Variants in STOX1 observed in about 807,000 individuals in gnomAD.
STOX1 encodes the protein storkhead box 1, also known as storkhead-box protein 1.
STOX1 carries 57 observed loss-of-function variants against 74.8 expected under a neutral mutation model. The ratio of observed to expected loss-of-function variants is 0.76; its 90% CI spans 0.62 to 0.95. The LOEUF (loss-of-function observed/expected upper bound fraction) is 0.95. Among genes scored for constraint, STOX1 ranks in the 40% least tolerant of loss-of-function variants. STOX1 has a pLI of 0.00. For synonymous variants in STOX1, 375 were observed against 401.3 expected (o/e 0.93, Z 0.78); for missense variants, 1,010 against 1,117.0 (o/e 0.90, Z 1.37).
downstream of STOX1, among the ~76,000 whole-genome samples, chr10:68,893,719 G>GGT (rs1468535296): frequency 1.3e-5 from 2 of 152,134 alleles, no homozygotes; most frequent in Non-Finnish European, 2.9e-5. Flanking sequence ...ACCTGACCCA[G>GGT]GCCTTCTTTA....
intron 1 of STOX1, among the ~76,000 whole-genome samples, chr10:68,829,794 T>A (rs1324074439): frequency 6.6e-6 from 1 of 152,136 alleles, no homozygotes; most frequent in African/African-American, 2.4e-5. Context: ...TCCTTTTACT[T>A]GCAGGAGTGA....
chr10:68,888,622 CCAGT>C (rs1246107410), intron 3 of STOX1, among the ~76,000 whole-genome samples: 2 of 146,774 alleles, frequency 1.4e-5, no homozygotes, highest in African/African-American at 5.1e-5. Flanking sequence ...CATATCTTTG[CCAGT>C]ATTTTTTTTT....
At chr10:68,893,852 A>G (rs1841147930), downstream of STOX1, among the ~76,000 whole-genome samples, 1 of 152,176 alleles carries the variant, frequency 6.6e-6, no homozygotes, top group Non-Finnish European at 1.5e-5. Flanking sequence ...AGAAAGGTGG[A>G]AGGAGTCTGG....
rs1840971859 is a variant in STOX1, at chr10:68,886,690, A to G, written c.2822+72A>G. ...ATGCCTGTAATCCCAGCATTTTGGG[A>G]GGCCGAGGCGGGCAGATCACGAGGT... On this transcript the variant is annotated intron_variant, in intron 3 of 3. Transcript: ENST00000298596. 26 of 1,434,200 alleles carry G rather than the reference A, an allele frequency of 1.8e-5. No individual in the cohort carries two copies. The South Asian group carries it at 2.9e-4, about 16-fold the overall frequency. The allele number at this position is 1,434,200 out of a possible 1,614,324, so 88.8% of individuals were successfully genotyped here.
intron 3 of STOX1, among the ~76,000 whole-genome samples, chr10:68,889,371 C>T (rs975085442): frequency 3.3e-5 from 5 of 152,220 alleles, no homozygotes; most frequent in African/African-American, 1.2e-4. Context: ...CTATGTTGCC[C>T]AGGCTGGCCT....
intron 3 of STOX1, among the ~76,000 whole-genome samples, chr10:68,891,801 CA>C (rs574776456): frequency 2.4e-3 from 301 of 127,552 alleles, no homozygotes; most frequent in Middle Eastern, 4.0e-3. Flanking sequence ...GACTCTGTTT[CA>C]AAAAAAAAAA....
chr10:68,867,698 TGTGAAAAG>T (rs1352707601), intron 1 of STOX1, among the ~76,000 whole-genome samples: 1 of 152,192 alleles, frequency 6.6e-6, no homozygotes, highest in African/African-American at 2.4e-5. Context: ...TCATTGTCAG[TGTGAAAAG>T]GTTCCAAGGT....
intron 1 of STOX1, among the ~76,000 whole-genome samples, chr10:68,832,371 C>T (rs1839433545): frequency 6.6e-6 from 1 of 152,184 alleles, no homozygotes; most frequent in African/African-American, 2.4e-5. Context: ...CATCTTTTCT[C>T]ACTGAATAAA....
chr10:68,839,336 C>T (rs895228214), intron 1 of STOX1, among the ~76,000 whole-genome samples: 3 of 152,122 alleles, frequency 2.0e-5, no homozygotes, highest in Non-Finnish European at 2.9e-5. Context: ...GATCCTCCCA[C>T]CTCAGTCTCA....
chr10:68,876,344 C>T (rs1360324129), intron 1 of STOX1, among the ~76,000 whole-genome samples: 6 of 151,684 alleles, frequency 4.0e-5, no homozygotes, highest in African/African-American at 7.3e-5. Flanking sequence ...TTAGTAGAGA[C>T]GGGGTTTCTC....
chr10:68,857,189 CTACCCCAGGGCT>C (rs1167606414), intron 1 of STOX1, among the ~76,000 whole-genome samples: 1 of 152,106 alleles, frequency 6.6e-6, no homozygotes, highest in Non-Finnish European at 1.5e-5. Context: ...TAGGCACTCC[CTACCCCAGGGCT>C]TACCCCAGGG....
At chr10:68,833,142 G>A (rs10998451) in intron 1 of STOX1, among the ~76,000 whole-genome samples, 2 of 146,630 alleles carry the variant, frequency 1.4e-5, no homozygotes, top group South Asian at 2.1e-4. Flanking sequence ...CTGGAGTGCA[G>A]TGGTGTGATC....
In STOX1 at chr10:68,827,673, G is replaced by T; in HGVS notation, c.50G>T (p.Cys17Phe). The T allele has an allele frequency of 8.9e-7, 1 of 1,127,418 alleles. No individual in the cohort carries two copies. The highest frequency in any genetic ancestry group is 1.7e-5 in the African/African-American group (1 of 60,144). 69.8% of individuals were successfully genotyped at this position (1,127,418 alleles called of 1,614,324 possible). The change falls in exon 1 of 4, where the codon TGC (cysteine) becomes TTC (phenylalanine). Residue 17 changes from cysteine to phenylalanine, a missense_variant. Coordinates refer to ENST00000298596, the MANE Select transcript of STOX1 (RefSeq NM_152709.5). ...CCGGGCTCGCTGGCGCTAGTGCTGT[G>T]CCGGCTGGAGGCGCAGAAGGCGGCG... The part of the protein sequence containing the change: ...LAPGSLALVL[C>F]RLEAQKAAGA...
chr10:68,844,465 AT>A (rs1420757359), intron 1 of STOX1, among the ~76,000 whole-genome samples: 1 of 151,446 alleles, frequency 6.6e-6, no homozygotes, highest in Non-Finnish European at 1.5e-5. Flanking sequence ...CACCCAGCAC[AT>A]TTTTGTATTT....
downstream of STOX1, among the ~76,000 whole-genome samples, chr10:68,893,961 G>T (rs919009814): frequency 6.6e-6 from 1 of 152,166 alleles, no homozygotes. Flanking sequence ...TAGTAGAATG[G>T]TCAGTTCTCT....
chr10:68,877,314 A>G (rs888402114), intron 1 of STOX1, among the ~76,000 whole-genome samples: 4 of 152,236 alleles, frequency 2.6e-5, no homozygotes, highest in Non-Finnish European at 4.4e-5. Flanking sequence ...TTTTAAGAGT[A>G]TCTTTGGATT....
At chr10:68,839,314 C>T (rs1839636906) in intron 1 of STOX1, among the ~76,000 whole-genome samples, 1 of 152,160 alleles carries the variant, frequency 6.6e-6, no homozygotes, top group African/African-American at 2.4e-5. Context: ...CCTTGATCTC[C>T]TGGGCTCAAG....
intron 3 of STOX1, among the ~76,000 whole-genome samples, chr10:68,890,322 G>A (rs914399316): frequency 1.3e-5 from 2 of 151,412 alleles, no homozygotes; most frequent in East Asian, 2.0e-4. Flanking sequence ...ACACCCAGCT[G>A]CTGCTGCTTA....
intron 1 of STOX1, among the ~76,000 whole-genome samples, chr10:68,850,097 C>G (rs1224534833): frequency 6.6e-6 from 1 of 152,144 alleles, no homozygotes; most frequent in Non-Finnish European, 1.5e-5. Context: ...TCACTACAAC[C>G]TCCACCTCCC....
Sources: allele counts gnomAD v4.1 joint callset (sites outside exome capture counted in the v4.1 genomes callset), GRCh38; gene constraint gnomAD v4.1.1; transcripts MANE v1.5; gene names NCBI Gene and HGNC (gene_info 2026-07-23, HGNC 2026-07-21).